The following CYP27B1 variants were observed in gnomAD, a reference collection of about 807,000 sequenced individuals.
The protein encoded by CYP27B1 is cytochrome P450 family 27 subfamily B member 1.
A neutral mutation model predicts 54.8 loss-of-function variants in CYP27B1; 46 were observed. The observed-to-expected ratio is 0.84, with a 90% CI of 0.66 to 1.07. The LOEUF is 1.07. CYP27B1 is among the 50% of genes least tolerant of loss of function. The pLI, the probability that CYP27B1 is intolerant of heterozygous loss-of-function variation, is 0.00. For missense variants in CYP27B1, 674 were observed against 692.2 expected (o/e 0.97, Z 0.30); for synonymous variants, 292 against 297.3 (o/e 0.98, Z 0.18).
chr12:57,764,104 G>T lies in CYP27B1; in HGVS notation c.1209C>A (p.Pro403=). ...GTGCATAGGCTTTACTCACATTTTT[G>T]GGGATAATATAGTCACCCACATGAA... ...KDIHVGDYII[P]KNTLVTLCHY... Residue 403 remains proline, a synonymous_variant, in exon 7 of 9, where the codon CCC becomes CCA. Transcript: ENST00000228606. The T allele has an allele frequency of 6.2e-7, 1 of 1,610,912 alleles. No homozygotes were observed.
At chr12:57,766,775 A>C in intron 1 of CYP27B1, 72 bp downstream of exon 1, 1 of 1,499,700 alleles carries the variant, frequency 6.7e-7, no homozygotes, top group Non-Finnish European at 9.3e-7. Context: ...GCTCTGCACT[A>C]GTCAGTCCTT....
rs1347495480 is a variant in CYP27B1 at position 57,765,565 on chromosome 12, G to A, written c.387-66C>T. 1 of 1,504,860 alleles carries A rather than the reference G, an allele frequency of 6.6e-7. No homozygotes were observed. 93.2% of individuals were successfully genotyped at this position (1,504,860 alleles called of 1,614,324 possible). On this transcript the variant is annotated intron_variant, in intron 2 of 8. Transcript: ENST00000228606. The surrounding 1 kb of genome is among the most constrained non-coding windows in gnomAD (Gnocchi z 5.8). ...ACGGCTCGACGGGACTGGCTGCAGTGAAGGAGCGCGTTCGGCTGCGGTGGC... is the reference window on the plus strand; with the variant it reads ...ACGGCTCGACGGGACTGGCTGCAGTAAAGGAGCGCGTTCGGCTGCGGTGGC...
chr12:57,764,673 C>T (rs1226744187), intron 5 of CYP27B1, 81 bp downstream of exon 5: 2 of 1,600,368 alleles, frequency 1.2e-6, no homozygotes, highest in East Asian at 4.5e-5. Flanking sequence ...CATAATGGAT[C>T]CCCTGCAACA....
chr12:57,763,585 G>C (rs1273185432), intron 8 of CYP27B1, 26 bp downstream of exon 8: 2 of 1,602,958 alleles, frequency 1.2e-6, no homozygotes, highest in Non-Finnish European at 8.5e-7. Flanking sequence ...CCAGTCTGGG[G>C]AAGGTATAAA....
chr12:57,765,444 G>A lies in CYP27B1; in HGVS notation c.442C>T (p.Pro148Ser). The change falls in exon 3 of 9, where the codon CCT (proline) becomes TCT (serine). Residue 148 changes from proline to serine, a missense_variant. By Grantham distance (74) the Pro-to-Ser change is moderately conservative. Transcript: ENST00000228606. This position sits in a 1 kb window ranked among gnomAD's most constrained non-coding sequence, Gnocchi z 5.8. ...CCGGCGTAGCGGGCGGCCGCTTGAGGCCGGAGGAGGAGCGGGGCCAGGAGA... is the reference window on the plus strand; with the variant it reads ...CCGGCGTAGCGGGCGGCCGCTTGAGACCGGAGGAGGAGCGGGGCCAGGAGA... ...RSLLAPLLLR[P>S]QAAARYAGTL... The A allele has an allele frequency of 1.9e-6, 3 of 1,612,966 alleles. No homozygotes were observed. Among genetic ancestry groups the A allele is most frequent in the East Asian group, 2.2e-5 (1 of 44,862 alleles).
chr12:57,763,775 T>C lies in CYP27B1; in HGVS notation c.1249A>G (p.Arg417Gly). 1 of 1,614,174 alleles carries C rather than the reference T, an allele frequency of 6.2e-7. No homozygotes were observed. Among genetic ancestry groups the C allele is most frequent in the Non-Finnish European group, 8.5e-7 (1 of 1,180,024 alleles). ...GGCTCTGGGAACTGGGCAGGGTCCC[T>C]TGAAGTGGCATAGTGACACAGAGTG... ...LVTLCHYATS[R>G]DPAQFPEPNS... Residue 417 changes from arginine to glycine, a missense_variant, in exon 8 of 9, where the codon AGG becomes GGG. By Grantham distance (125) the Arg-to-Gly change is moderately radical. Coordinates refer to ENST00000228606, the MANE Select transcript of CYP27B1 (RefSeq NM_000785.4).
In CYP27B1 at chr12:57,766,937, C is replaced by T. The variant is rs1955367261; in HGVS notation, c.105G>A (p.Arg35=). Reference sequence around the variant, plus strand: ...AGGGGCCTGGGATGTCTGCCAAGCTCCGGCGTGCTGAGTGGTACTCTCGGT... The same window carrying T: ...AGGGGCCTGGGATGTCTGCCAAGCTTCGGCGTGCTGAGTGGTACTCTCGGT... The part of the protein sequence containing the change: ...LGYREYHSAR[R]SLADIPGPST... The change falls in exon 1 of 9, where the codon CGG becomes CGA. Residue 35 remains arginine (R), a synonymous_variant. Transcript: ENST00000228606. 1.2e-6 allele frequency: 2 copies of T among 1,614,206 alleles called. No individual in the cohort carries two copies. Among genetic ancestry groups the T allele is most frequent in the Non-Finnish European group, 8.5e-7 (1 of 1,180,034 alleles).
chr12:57,765,406 G>T lies in CYP27B1; in HGVS notation c.480C>A (p.Asn160Lys), dbSNP rs141906701. The change falls in exon 3 of 9, where the codon AAC becomes AAA. Residue 160 changes from asparagine to lysine, a missense_variant. By Grantham distance (94) the Asn-to-Lys change is moderately conservative. Coordinates refer to ENST00000228606, the MANE Select transcript of CYP27B1 (RefSeq NM_000785.4). The surrounding 1 kb of genome is among the most constrained non-coding windows in gnomAD (Gnocchi z 5.8). ...GACGCCGCACAAGGTCGCAGACTACGTTGTTCAGGGTTCCGGCGTAGCGGG... is the reference window on the plus strand; with the variant it reads ...GACGCCGCACAAGGTCGCAGACTACTTTGTTCAGGGTTCCGGCGTAGCGGG... ...AAARYAGTLN[N>K]VVCDLVRRLR... 8.7e-6 allele frequency: 14 copies of T among 1,613,048 alleles called. No individual in the cohort carries two copies. Among genetic ancestry groups the T allele is most frequent in the African/African-American group, 8.0e-5 (6 of 74,930 alleles).
At chr12:57,763,482 T>C in intron 8 of CYP27B1, 129 bp downstream of exon 8, 1 of 970,870 alleles carries the variant, frequency 1.0e-6, no homozygotes. Context: ...AATGGGCTTA[T>C]CATATTTCAG....
intron 1 of CYP27B1, 111 bp downstream of exon 1, chr12:57,766,735 GC>G: frequency 8.5e-7 from 1 of 1,171,586 alleles, no homozygotes; most frequent in South Asian, 1.3e-5. Flanking sequence ...TATTTCATGG[GC>G]ATCCGTTCTC....
rs1321050477 is a variant in CYP27B1 at position 57,765,919 on chromosome 12, C to T, written c.386+88G>A. ...GTAGAGTGGGACAGCCGACCTCCCA[C>T]CATGCCCCCAGATTGATAGTTTCGG... On this transcript the variant is annotated intron_variant, in intron 2 of 8. Coordinates refer to ENST00000228606, the MANE Select transcript of CYP27B1 (RefSeq NM_000785.4). The surrounding 1 kb of genome is among the most constrained non-coding windows in gnomAD (Gnocchi z 5.8). 1 of 1,452,880 alleles carries T rather than the reference C, an allele frequency of 6.9e-7. No homozygotes were observed. Among genetic ancestry groups the T allele is most frequent in the South Asian group, 1.4e-5 (1 of 71,196 alleles). 90.0% of individuals were successfully genotyped at this position (1,452,880 alleles called of 1,614,324 possible). A position where few individuals can be genotyped will look rare whatever the true frequency, so the allele number is the denominator to read the frequency against.
At chr12:57,763,489 T>G in intron 8 of CYP27B1, 122 bp downstream of exon 8, 1 of 995,128 alleles carries the variant, frequency 1.0e-6, no homozygotes. Context: ...TTATCATATT[T>G]CAGAAGATTC....
At chr12:57,766,624 G>C in intron 1 of CYP27B1, 1 of 613,204 alleles carries the variant, frequency 1.6e-6, no homozygotes, top group Non-Finnish European at 2.9e-6. Flanking sequence ...CCACACCTCA[G>C]GACAGCGAGA....
Position 57,765,274 on chromosome 12 carries a change from C to T in CYP27B1, c.589+23G>A. ...TCTGGTAGGGCGCCCCCGACGCCTG[C>T]CCAGCTCTGTCCTGGGACTCACCTT... On this transcript the variant is annotated intron_variant, in intron 3 of 8. Transcript: ENST00000228606. The surrounding 1 kb of genome is among the most constrained non-coding windows in gnomAD (Gnocchi z 5.8). 1.2e-6 allele frequency: 2 copies of T among 1,612,410 alleles called. No homozygotes were observed. Among genetic ancestry groups the T allele is most frequent in the Non-Finnish European group, 1.7e-6 (2 of 1,179,496 alleles).
Position 57,767,031 on chromosome 12 carries a change from G to T in CYP27B1, c.11C>A (p.Thr4Asn). Residue 4 changes from threonine to asparagine, a missense_variant, in exon 1 of 9, where the codon ACC becomes AAC. Coordinates refer to ENST00000228606, the MANE Select transcript of CYP27B1 (RefSeq NM_000785.4). The stretch of plus-strand genomic sequence containing the variant: ...GAACACTCTGGAGGCGTACTTGAGG[G>T]TCTGGGTCATGGTCTGGTTCAGGGT... MTQ[T>N]LKYASRVFHR... 6.2e-7 allele frequency: 1 copy of T among 1,614,200 alleles called. No individual in the cohort carries two copies. Among genetic ancestry groups the T allele is most frequent in the South Asian group, 1.1e-5 (1 of 91,088 alleles).
At chr12:57,763,850 T>G (rs1352742737) in intron 7 of CYP27B1, 42 bp from the exon 8 acceptor site, 2 of 1,586,554 alleles carry the variant, frequency 1.3e-6, no homozygotes, top group African/African-American at 1.3e-5. Context: ...GGGCTCAGAA[T>G]AGGGCAGGCA....
Position 57,765,299 on chromosome 12 carries a change from T to A in CYP27B1, c.587A>T (p.Glu196Val). The A allele has an allele frequency of 6.2e-7, 1 of 1,612,868 alleles. No homozygotes were observed. Among genetic ancestry groups the A allele is most frequent in the Non-Finnish European group, 8.5e-7 (1 of 1,179,740 alleles). ...CCCAGCTCTGTCCTGGGACTCACCT[T>A]CCAGTCCGAACTTGTAAAATTCCCC... ...VAGEFYKFGL[E>V]GIAAVLLGSR... is the part of the protein sequence containing the mutation. The change falls in exon 3 of 9, where the codon GAA becomes GTA. Residue 196 changes from glutamate (E) to valine (V), a missense_variant and splice_region_variant. By Grantham distance (121) the Glu-to-Val change is moderately radical (BLOSUM62 -2). Coordinates refer to ENST00000228606, the MANE Select transcript of CYP27B1 (RefSeq NM_000785.4). The surrounding 1 kb of genome is among the most constrained non-coding windows in gnomAD (Gnocchi z 5.8).
intron 1 of CYP27B1, chr12:57,766,585 C>T (rs1241556654): frequency 5.1e-6 from 3 of 584,694 alleles, no homozygotes; most frequent in Non-Finnish European, 9.1e-6. Flanking sequence ...CTCCCCCTCC[C>T]GCGCACTTGT....
chr12:57,763,576 C>T (rs1955335267), intron 8 of CYP27B1, 35 bp downstream of exon 8: 1 of 1,584,576 alleles, frequency 6.3e-7, no homozygotes. Context: ...AGGGTCTCTC[C>T]AGTCTGGGGA....
Sources: allele counts gnomAD v4.1 joint callset, GRCh38; gene constraint gnomAD v4.1.1; non-coding constraint Gnocchi (gnomAD v3.1); transcripts MANE v1.5; gene names NCBI Gene and HGNC (gene_info 2026-07-23, HGNC 2026-07-21).